Variants in PTPRK observed in about 807,000 individuals in gnomAD.
PTPRK encodes the protein protein tyrosine phosphatase receptor type K.
PTPRK carries 75 observed loss-of-function variants against 178.0 expected under a neutral mutation model. That is an observed-to-expected ratio of 0.42 (90% CI 0.35 to 0.51). The LOEUF (loss-of-function observed/expected upper bound fraction) is 0.51. Among genes scored for constraint, PTPRK ranks in the 20% least tolerant of loss-of-function variants. PTPRK has a pLI of 0.02. For missense variants in PTPRK, 1,441 were observed against 1,797.8 expected (o/e 0.80, Z 3.59); for synonymous variants, 637 against 620.6 (o/e 1.03, Z -0.39).
intron 6 of PTPRK, among the ~76,000 whole-genome samples, chr6:128,197,145 C>G (rs919810988): frequency 6.6e-6 from 1 of 151,068 alleles, no homozygotes; most frequent in Non-Finnish European, 1.5e-5. Context: ...CCTGCTCCAG[C>G]GCCATACAAT....
chr6:128,314,630 C>G (rs1313443360), intron 3 of PTPRK, among the ~76,000 whole-genome samples: 1 of 151,992 alleles, frequency 6.6e-6, no homozygotes, highest in South Asian at 2.1e-4. Context: ...TTTTGTGAAC[C>G]TAATAAATCA....
At chr6:127,977,145 C>T (rs1774697927) in intron 25 of PTPRK, 91 bp from the exon 26 acceptor site, 1 of 1,294,038 alleles carries the variant, frequency 7.7e-7, no homozygotes, top group African/African-American at 1.5e-5. Context: ...AATGTAGGAC[C>T]AGTAAGATGC....
At position 128,067,862 on chromosome 6, in the gene PTPRK, T is replaced by A. The variant is rs1230112708; in HGVS notation, c.1884-70A>T. The A allele has an allele frequency of 7.9e-6, 11 of 1,386,006 alleles. No individual in the cohort carries two copies. The East Asian group carries it at 2.7e-4, about 33-fold the overall frequency. 85.9% of individuals were successfully genotyped at this position (1,386,006 alleles called of 1,614,324 possible). On this transcript the variant is annotated intron_variant, in intron 11 of 29. Transcript: ENST00000368226. ...ATTTAGAGATTTAAGATACTAAGAT[T>A]TTTTTTAAGGGGTTGACTATTAACA...
At chr6:128,304,167 C>T (rs1180455507) in intron 3 of PTPRK, among the ~76,000 whole-genome samples, 3 of 152,184 alleles carry the variant, frequency 2.0e-5, no homozygotes, top group Non-Finnish European at 2.9e-5. Flanking sequence ...AGACCTCTTT[C>T]CACATAGTCT....
chr6:127,996,836 C>A (rs1777204155), intron 17 of PTPRK, 65 bp downstream of exon 17: 2 of 1,528,388 alleles, frequency 1.3e-6, no homozygotes, highest in Non-Finnish European at 8.8e-7. Context: ...TGGGATTTTT[C>A]TTAAAGTTTA....
chr6:127,982,184 C>T (rs1403235917), intron 24 of PTPRK, among the ~76,000 whole-genome samples: 4 of 152,108 alleles, frequency 2.6e-5, no homozygotes, highest in Non-Finnish European at 5.9e-5. Context: ...TTGTGAGTGA[C>T]CCAGGTCAAA....
intron 3 of PTPRK, among the ~76,000 whole-genome samples, chr6:128,244,837 G>C (rs1056232484): frequency 2.6e-5 from 4 of 152,132 alleles, no homozygotes; most frequent in African/African-American, 7.2e-5. Flanking sequence ...TGAAAATTTG[G>C]GAGGCTGAGT....
In PTPRK at chr6:128,491,878, C is replaced by T. The variant is rs140188073; in HGVS notation, c.100+28381G>A. ...AAAACGAAAGCGGCTTGGTAACTAA[C>T]AGGCTAATCTTCACGGCAGGAAGAA... On this transcript the variant is annotated intron_variant, in intron 1 of 29. Coordinates refer to ENST00000368226, the MANE Select transcript of PTPRK (RefSeq NM_002844.4). 116 of 490,440 alleles carry T rather than the reference C, an allele frequency of 2.4e-4. 1 individual carries two copies. Among genetic ancestry groups the T allele is most frequent in the African/African-American group, 2.1e-3 (107 of 51,328 alleles). 30.4% of individuals were successfully genotyped at this position (490,440 alleles called of 1,614,324 possible).
At chr6:128,188,065 A>C (rs959824347) in intron 6 of PTPRK, among the ~76,000 whole-genome samples, 1 of 152,178 alleles carries the variant, frequency 6.6e-6, no homozygotes, top group Non-Finnish European at 1.5e-5. Context: ...AACCAGACCC[A>C]GAAGTGAGGT....
intron 7 of PTPRK, among the ~76,000 whole-genome samples, chr6:128,169,965 G>A (rs1276453762): frequency 6.6e-6 from 1 of 151,968 alleles, no homozygotes; most frequent in Non-Finnish European, 1.5e-5. Context: ...CAAAATAAAT[G>A]TTGAAACGTT....
rs144495756 is a variant in PTPRK, at chr6:128,107,135, A to G, written c.1163-17143T>C. ...CCAAAATTAAGCAATCCATGTAATT[A>G]TACTTCAACAACTGATGCTACTCAT... On this transcript the variant is annotated intron_variant, in intron 7 of 29. Transcript: ENST00000368226. 1.1e-4 allele frequency among the ~76,000 whole-genome samples: 16 copies of G among 152,214 alleles called. 1 individual carries two copies. In the East Asian group the frequency reaches 3.1e-3, roughly 29 times the overall value.
chr6:128,241,179 T>C (rs569562350), intron 4 of PTPRK: 2 of 527,172 alleles, frequency 3.8e-6, no homozygotes, highest in African/African-American at 1.9e-5. Flanking sequence ...ACGTGGTATA[T>C]ATAATCTGAC....
chr6:127,994,098 A>G (rs1193767441), intron 18 of PTPRK, among the ~76,000 whole-genome samples: 1 of 151,698 alleles, frequency 6.6e-6, no homozygotes, highest in African/African-American at 2.4e-5. Flanking sequence ...AATAAGAGTA[A>G]GATTATGATC....
chr6:128,341,344 C>T (rs572187973), intron 2 of PTPRK, among the ~76,000 whole-genome samples: 22 of 152,174 alleles, frequency 1.4e-4, no homozygotes, highest in Admixed American at 1.4e-3. Context: ...TCAGATAATT[C>T]TGCATTCACA....
At chr6:128,362,895 C>A (rs2128343165) in intron 2 of PTPRK, among the ~76,000 whole-genome samples, 1 of 152,222 alleles carries the variant, frequency 6.6e-6, no homozygotes, top group Non-Finnish European at 1.5e-5. Context: ...AGAGAGATGT[C>A]TATGTGCCAA....
chr6:128,307,847 C>T (rs1584057666), intron 3 of PTPRK, among the ~76,000 whole-genome samples: 1 of 152,246 alleles, frequency 6.6e-6, no homozygotes, highest in East Asian at 1.9e-4. Flanking sequence ...ATGCATACTG[C>T]CAGCTGGAAT....
chr6:128,349,269 G>A (rs79935145), intron 2 of PTPRK, among the ~76,000 whole-genome samples: 2,043 of 151,870 alleles, frequency 0.013, 47 homozygotes, highest in African/African-American at 0.045. Flanking sequence ...AGTGTAAGCA[G>A]GAAATAAAAC....
intron 7 of PTPRK, among the ~76,000 whole-genome samples, chr6:128,169,358 G>A (rs1305041404): frequency 6.6e-6 from 1 of 151,780 alleles, no homozygotes; most frequent in Non-Finnish European, 1.5e-5. Flanking sequence ...CCAAGCCTAA[G>A]TTAGAAAAAC....
intron 2 of PTPRK, among the ~76,000 whole-genome samples, chr6:128,359,307 C>A (rs893030464): frequency 6.6e-6 from 1 of 152,062 alleles, no homozygotes; most frequent in Non-Finnish European, 1.5e-5. Context: ...TGAGCCACCA[C>A]ATCTAGCCAA....
Sources: allele counts gnomAD v4.1 joint callset (sites outside exome capture counted in the v4.1 genomes callset), GRCh38; gene constraint gnomAD v4.1.1; transcripts MANE v1.5; gene names NCBI Gene and HGNC (gene_info 2026-07-23, HGNC 2026-07-21).